Variants in SEMA3A observed in about 807,000 individuals in gnomAD.
SEMA3A encodes the protein semaphorin 3A, also known as semaphorin-3A.
A neutral mutation model predicts 97.9 loss-of-function variants in SEMA3A; 29 were observed. That is an observed-to-expected ratio of 0.30 (90% CI 0.22 to 0.40). The LOEUF is 0.40. SEMA3A is among the 10% of genes least tolerant of loss of function. The pLI, the probability that SEMA3A is intolerant of heterozygous loss-of-function variation, is 1.00. For synonymous variants in SEMA3A, 321 were observed against 323.7 expected (o/e 0.99, Z 0.09); for missense variants, 763 against 951.3 (o/e 0.80, Z 2.60).
At chr7:84,211,696 A>G (rs1362444271) in intron 3 of SEMA3A, among the ~76,000 whole-genome samples, 2 of 152,192 alleles carry the variant, frequency 1.3e-5, no homozygotes, top group Non-Finnish European at 2.9e-5. Flanking sequence ...CCAGCAAGAA[A>G]AGAAAAGGTG....
chr7:84,442,342 C>A (rs754203180), intron 1 of SEMA3A, among the ~76,000 whole-genome samples: 2 of 151,980 alleles, frequency 1.3e-5, no homozygotes, highest in Non-Finnish European at 2.9e-5. Context: ...TGGGGAGAAG[C>A]CTCTTAAATA....
chr7:83,992,837 C>T (rs1419039132), intron 12 of SEMA3A, among the ~76,000 whole-genome samples: 1 of 152,072 alleles, frequency 6.6e-6, no homozygotes, highest in East Asian at 1.9e-4. Context: ...ATTAGGTCCG[C>T]TTGGTGCAGA....
At chr7:84,487,654 C>A (rs1423956947) in intron 1 of SEMA3A, among the ~76,000 whole-genome samples, 1 of 152,020 alleles carries the variant, frequency 6.6e-6, no homozygotes, top group Non-Finnish European at 1.5e-5. Context: ...ACCTGTGGAT[C>A]TCTTTGACTA....
At chr7:84,063,223 G>A (rs1276321142) in intron 4 of SEMA3A, among the ~76,000 whole-genome samples, 1 of 151,124 alleles carries the variant, frequency 6.6e-6, no homozygotes, top group Non-Finnish European at 1.5e-5. Flanking sequence ...CTGTTAGAAG[G>A]AAAACTAACA....
chr7:84,422,094 C>T (rs1449334313), intron 1 of SEMA3A, among the ~76,000 whole-genome samples: 1 of 151,980 alleles, frequency 6.6e-6, no homozygotes, highest in South Asian at 2.1e-4. Flanking sequence ...GTGAATGGTA[C>T]CAGCTCCTCT....
chr7:84,247,742 G>A (rs1440281214), intron 3 of SEMA3A, among the ~76,000 whole-genome samples: 2 of 152,138 alleles, frequency 1.3e-5, no homozygotes, highest in African/African-American at 4.8e-5. Flanking sequence ...TTACCCCAGT[G>A]AACACTCACC....
chr7:84,075,434 C>G (rs2115771928), intron 4 of SEMA3A, among the ~76,000 whole-genome samples: 1 of 150,210 alleles, frequency 6.7e-6, no homozygotes, highest in South Asian at 2.1e-4. Flanking sequence ...GCTGGGATTA[C>G]AGGCATAAGC....
In SEMA3A at chr7:84,150,860, GC is replaced by G. The variant is rs1409726540; in HGVS notation, c.113-15910del. 4.7e-4 allele frequency among the ~76,000 whole-genome samples: 72 copies of G among 151,736 alleles called. No individual in the cohort carries two copies. The South Asian group carries it at 5.1e-3, about 11-fold the overall frequency. On this transcript the variant is annotated intron_variant, in intron 1 of 16. Coordinates refer to ENST00000265362, the MANE Select transcript of SEMA3A (RefSeq NM_006080.3). ...GCCCTGTCTGACAGCTTTGAAGAGAGCAGTGGTTCTCCCAGCACGCAGCTGG... is the reference window on the plus strand; with the variant it reads ...GCCCTGTCTGACAGCTTTGAAGAGAGAGTGGTTCTCCCAGCACGCAGCTGG...
At chr7:84,475,904 T>A (rs774762877) in intron 1 of SEMA3A, among the ~76,000 whole-genome samples, 9 of 152,202 alleles carry the variant, frequency 5.9e-5, no homozygotes, top group Non-Finnish European at 1.0e-4. Flanking sequence ...ACTTAATCTT[T>A]AGTTTTCACA....
intron 6 of SEMA3A, among the ~76,000 whole-genome samples, chr7:84,043,177 C>T (rs73187440): frequency 0.1 from 15,838 of 151,928 alleles, 1,212 homozygotes; most frequent in African/African-American, 0.21. Context: ...AACGTTATTA[C>T]ATGTTAAAAT....
intron 13 of SEMA3A, among the ~76,000 whole-genome samples, chr7:83,981,737 T>C (rs999315610): frequency 2.6e-5 from 4 of 152,214 alleles, no homozygotes; most frequent in Non-Finnish European, 5.9e-5. Flanking sequence ...AAGACAGTAA[T>C]ACACCAACCA....
At chr7:84,234,746 C>G (rs1422998544) in intron 3 of SEMA3A, among the ~76,000 whole-genome samples, 1 of 152,010 alleles carries the variant, frequency 6.6e-6, no homozygotes, top group East Asian at 1.9e-4. Flanking sequence ...CATTTAATAG[C>G]AGGCAGTTTC....
intron 3 of SEMA3A, among the ~76,000 whole-genome samples, chr7:84,202,579 T>G (rs1316511747): frequency 2.0e-5 from 3 of 152,190 alleles, no homozygotes. Flanking sequence ...TGCCACAGTG[T>G]GCAATCCAGC....
chr7:83,988,860 C>CTT (rs11309468), intron 12 of SEMA3A, among the ~76,000 whole-genome samples: 5,420 of 132,646 alleles, frequency 0.041, 363 homozygotes, highest in African/African-American at 0.14. Context: ...GGATATTCAG[C>CTT]TTTTTTTTTT....
chr7:84,096,724 A>T (rs1256943567), intron 4 of SEMA3A, among the ~76,000 whole-genome samples: 2 of 152,114 alleles, frequency 1.3e-5, no homozygotes, highest in African/African-American at 4.8e-5. Context: ...TTTAATTCAC[A>T]GACAGGAAAT....
At chr7:84,293,237 C>T (rs369711474) in intron 3 of SEMA3A, among the ~76,000 whole-genome samples, 17 of 151,992 alleles carry the variant, frequency 1.1e-4, no homozygotes, top group African/African-American at 1.9e-4. Context: ...TTGTTTTATC[C>T]GTACCCTATG....
At chr7:84,405,505 G>A (rs201984123) in intron 1 of SEMA3A, among the ~76,000 whole-genome samples, 26 of 151,220 alleles carry the variant, frequency 1.7e-4, no homozygotes, top group African/African-American at 4.4e-4. Flanking sequence ...AAGTTAACAA[G>A]GATATCCAGG....
intron 15 of SEMA3A, among the ~76,000 whole-genome samples, 181 bp from the exon 16 acceptor site, chr7:83,963,528 C>T (rs1171544372): frequency 6.6e-6 from 1 of 152,142 alleles, no homozygotes; most frequent in East Asian, 1.9e-4. Context: ...CTACCTAAAT[C>T]GACTAATCAT....
intron 4 of SEMA3A, among the ~76,000 whole-genome samples, chr7:84,088,681 T>G (rs546642459): frequency 2.1e-4 from 32 of 152,258 alleles, no homozygotes; most frequent in African/African-American, 6.5e-4. Context: ...ACAATAAAAT[T>G]TGACATATTC....
Sources: gnomAD v4.1 joint callset for allele counts (sites outside exome capture counted in the v4.1 genomes callset) on GRCh38, gnomAD v4.1.1 for gene constraint, MANE v1.5 for transcripts, NCBI Gene and HGNC (gene_info 2026-07-23, HGNC 2026-07-21) for gene names.